GTF2A1: variants seen among roughly 807,000 people sequenced by gnomAD.
The protein encoded by GTF2A1 is transcription initiation factor IIA subunit 1.
In GTF2A1, 12 loss-of-function variants were observed where a neutral mutation model predicts 54.1. That is an observed-to-expected ratio of 0.22 (90% CI 0.14 to 0.36). The LOEUF is 0.36. GTF2A1 is among the 10% of genes least tolerant of loss of function. The pLI is 1.00. For missense variants in GTF2A1, 335 were observed against 442.2 expected, an observed-to-expected ratio of 0.76 and a Z score of 2.17; for synonymous variants, 145 against 152.0, an observed-to-expected ratio of 0.95 and a Z score of 0.34.
chr14:81,202,756 T>C (rs756351448), intron 3 of GTF2A1: 5 of 518,512 alleles, frequency 9.6e-6, no homozygotes, highest in Admixed American at 1.9e-5. Context: ...ATTCTCTGAG[T>C]GAAGAAAATC....
At position 81,214,412 on chromosome 14, in the gene GTF2A1, G is replaced by A. The variant is rs1028304689; in HGVS notation, c.132+2001C>T. On this transcript the variant is annotated intron_variant, in intron 2 of 8. Transcript: ENST00000553612. Reference sequence around the variant, plus strand: ...TGTAATCCCAGCACTTTGGGAGGCCGAGGTGGGGGGATCACAAGGTCAGGA... The same window carrying A: ...TGTAATCCCAGCACTTTGGGAGGCCAAGGTGGGGGGATCACAAGGTCAGGA... Among the ~76,000 whole-genome samples the A allele has an allele frequency of 5.9e-5, 9 of 152,136 alleles. No homozygotes were observed. The South Asian group carries it at 1.2e-3, about 21-fold the overall frequency.
chr14:81,189,917 TG>T (rs1283035387), intron 7 of GTF2A1, among the ~76,000 whole-genome samples: 2 of 151,878 alleles, frequency 1.3e-5, no homozygotes, highest in Non-Finnish European at 2.9e-5. Context: ...AAGAATAGAA[TG>T]GGAAAAACAC....
intron 2 of GTF2A1, among the ~76,000 whole-genome samples, chr14:81,209,059 T>C (rs536188744): frequency 1.1e-4 from 17 of 152,222 alleles, no homozygotes; most frequent in South Asian, 4.1e-4. Context: ...GAAGGTACGA[T>C]TGGTTTTGAA....
In GTF2A1 at chr14:81,185,563, T is replaced by C; in HGVS notation, c.991A>G (p.Thr331Ala). ...TATTGGCATACAACAACATTTTCTG[T>C]GTCAAAGAGTTCCTGTCCTTCCTCA... Reference protein sequence around the residue: ...SDEEGQELFDTENVVVCQYDK... With the variant: ...SDEEGQELFDAENVVVCQYDK... Residue 331 changes from threonine to alanine, a missense_variant, in exon 8 of 9, where the codon ACA becomes GCA. By Grantham distance (58) the Thr-to-Ala change is moderately conservative. Around this residue, in one of 2 missense-constraint regions of GTF2A1, gnomAD observed 29 missense variants for 81.7 expected, o/e 0.35. Transcript: ENST00000553612. The C allele has an allele frequency of 6.3e-7, 1 of 1,594,780 alleles. No homozygotes were observed. Among genetic ancestry groups the C allele is most frequent in the Non-Finnish European group, 8.6e-7 (1 of 1,162,716 alleles).
At position 81,196,126 on chromosome 14, in the gene GTF2A1, T is replaced by C. The variant is rs142318019; in HGVS notation, c.594A>G (p.Gln198=). 6 of 1,613,658 alleles carry C rather than the reference T, an allele frequency of 3.7e-6. No individual in the cohort carries two copies. Among genetic ancestry groups the C allele is most frequent in the Non-Finnish European group, 4.2e-6 (5 of 1,179,566 alleles). ...VIPQMQPGGV[Q]APVIQQVLAP... ...ATTTTACCTGCTGTATAACAGGAGC[T>C]TGTACTCCACCAGGCTGCATTTGTG... Residue 198 remains glutamine, a synonymous_variant, in exon 6 of 9, where the codon CAA becomes CAG. Coordinates refer to ENST00000553612, the MANE Select transcript of GTF2A1 (RefSeq NM_015859.4).
At chr14:81,181,109 C>T (rs1892629026) in intron 8 of GTF2A1, among the ~76,000 whole-genome samples, 1 of 152,176 alleles carries the variant, frequency 6.6e-6, no homozygotes, top group African/African-American at 2.4e-5. Flanking sequence ...CACAGTTAAA[C>T]AAAAAGAGCT....
In GTF2A1 at chr14:81,175,538, A is replaced by T. The variant is rs1249429079; in HGVS notation, c.*4685T>A. 1 of 152,180 alleles carries T rather than the reference A, an allele frequency of 6.6e-6. No individual in the cohort carries two copies. The highest frequency in any genetic ancestry group is 6.5e-5 in the Admixed American group (1 of 15,274). 9.4% of individuals were successfully genotyped at this position (152,180 alleles called of 1,614,324 possible). ...TTTCTAGATAGTCTGTTAACAGGAT[A>T]AAAAAATACAAAAAGGCGAGCTTCT... On this transcript the variant is annotated 3_prime_UTR_variant, in exon 9 of 9. Transcript: ENST00000553612.
chr14:81,209,193 G>A (rs541430629), intron 2 of GTF2A1, among the ~76,000 whole-genome samples: 1 of 152,308 alleles, frequency 6.6e-6, no homozygotes, highest in South Asian at 2.1e-4. Flanking sequence ...GGACACAGCA[G>A]GAGGTAACTG....
intron 2 of GTF2A1, among the ~76,000 whole-genome samples, chr14:81,215,455 C>T (rs1007340928): frequency 6.6e-6 from 1 of 152,144 alleles, no homozygotes; most frequent in Non-Finnish European, 1.5e-5. Flanking sequence ...TCCAGGGCTC[C>T]ATGAACTATA....
chr14:81,212,004 G>A (rs1893382809), intron 2 of GTF2A1, among the ~76,000 whole-genome samples: 1 of 150,916 alleles, frequency 6.6e-6, no homozygotes, highest in Non-Finnish European at 1.5e-5. Flanking sequence ...GGTTACAACT[G>A]AAGAGTGCTA....
intron 2 of GTF2A1, among the ~76,000 whole-genome samples, chr14:81,205,153 A>T (rs1893202651): frequency 6.6e-6 from 1 of 151,804 alleles, no homozygotes; most frequent in Non-Finnish European, 1.5e-5. Context: ...TAGTGACAAG[A>T]TCTCACTATG....
chr14:81,203,994 ATGC>A lies in GTF2A1; in HGVS notation c.240_242del (p.Gln80del), dbSNP rs749970326. On this transcript the variant is annotated inframe_deletion, in exon 3 of 9. Coordinates refer to ENST00000553612, the MANE Select transcript of GTF2A1 (RefSeq NM_015859.4). Reference sequence around the variant, plus strand: ...CTTGCTGATGATGGTGATGGTGGTGATGCTGCTGCTGCTGGGGTTGATGCTGCT... The same window carrying A: ...CTTGCTGATGATGGTGATGGTGGTGATGCTGCTGCTGGGGTTGATGCTGCT... 2.5e-6 allele frequency: 4 copies of A among 1,613,366 alleles called. No homozygotes were observed. Among genetic ancestry groups the A allele is most frequent in the African/African-American group, 1.3e-5 (1 of 74,882 alleles).
rs1468311444 is a variant in GTF2A1 at position 81,179,202 on chromosome 14, A to G, written c.*1021T>C. ...AAAATTCTTTACTAGTAAACACAAG[A>G]AACTTTTATAATTACTAAACTGTTT... On this transcript the variant is annotated 3_prime_UTR_variant, in exon 9 of 9. Transcript: ENST00000553612. The G allele has an allele frequency of 6.6e-6, 1 of 152,196 alleles. No individual in the cohort carries two copies. Among genetic ancestry groups the G allele is most frequent in the Non-Finnish European group, 1.5e-5 (1 of 68,022 alleles). 9.4% of individuals were successfully genotyped at this position (152,196 alleles called of 1,614,324 possible).
At position 81,219,750 on chromosome 14, in the gene GTF2A1, G is replaced by A. The variant is rs1471726738; in HGVS notation, c.30+739C>T. On this transcript the variant is annotated intron_variant, in intron 1 of 8. Transcript: ENST00000553612. Reference sequence around the variant, plus strand: ...CTACGTGATCGCAAGTAACAAAAAGGGACCAACGGGAAGAAGTAGGTAAAT... The same window carrying A: ...CTACGTGATCGCAAGTAACAAAAAGAGACCAACGGGAAGAAGTAGGTAAAT... 2.6e-5 allele frequency among the ~76,000 whole-genome samples: 4 copies of A among 152,288 alleles called. No homozygotes were observed. In the South Asian group the frequency reaches 8.3e-4, roughly 32 times the overall value.
intron 2 of GTF2A1, among the ~76,000 whole-genome samples, chr14:81,212,067 A>G (rs1893383933): frequency 6.6e-6 from 1 of 151,868 alleles, no homozygotes; most frequent in African/African-American, 2.4e-5. Context: ...TACAATCAAT[A>G]GGACAGCCCC....
intron 4 of GTF2A1, among the ~76,000 whole-genome samples, chr14:81,201,234 A>G (rs189724834): frequency 4.5e-4 from 68 of 152,276 alleles, no homozygotes; most frequent in Non-Finnish European, 9.1e-4. Context: ...TCATTTTTTA[A>G]AAGTTCACAA....
At chr14:81,195,922 A>G (rs2140156910) in intron 6 of GTF2A1, among the ~76,000 whole-genome samples, 186 bp downstream of exon 6, 1 of 152,312 alleles carries the variant, frequency 6.6e-6, no homozygotes, top group Non-Finnish European at 1.5e-5. Context: ...GACAACAGTA[A>G]TTGTTTAATA....
In GTF2A1 at chr14:81,197,463, T is replaced by C; in HGVS notation, c.424A>G (p.Thr142Ala). ...SNMSAAATAA[T>A]LALPAGVTPV... ...GTCACACCTGCAGGGAGTGCTAAGG[T>C]AGCAGCTGTAGCAGCAGCACTCTGA... The change falls in exon 5 of 9, where the codon ACC becomes GCC. Residue 142 changes from threonine (T) to alanine (A), a missense_variant. By Grantham distance (58) the Thr-to-Ala change is moderately conservative. Around this residue, in one of 2 missense-constraint regions of GTF2A1, gnomAD observed 306 missense variants for 360.4 expected, o/e 0.85. Transcript: ENST00000553612. 1.3e-6 allele frequency: 2 copies of C among 1,580,466 alleles called. No individual in the cohort carries two copies. The highest frequency in any genetic ancestry group is 1.7e-6 in the Non-Finnish European group (2 of 1,156,006).
At chr14:81,196,288 A>C in intron 5 of GTF2A1, 47 bp from the exon 6 acceptor site, 1 of 1,596,314 alleles carries the variant, frequency 6.3e-7, no homozygotes, top group Non-Finnish European at 8.6e-7. Flanking sequence ...AGCAGTGACC[A>C]TCTCAAAAGA....
Sources: gnomAD v4.1 joint callset for allele counts (sites outside exome capture counted in the v4.1 genomes callset) on GRCh38, gnomAD v4.1.1 for gene constraint, gnomAD v4.1.1 regional missense constraint, MANE v1.5 for transcripts, NCBI Gene and HGNC (gene_info 2026-07-23, HGNC 2026-07-21) for gene names.